VTI1A: variants seen among roughly 807,000 people sequenced by gnomAD.
VTI1A encodes the protein vesicle transport through interaction with t-SNAREs 1A.
VTI1A carries 22 observed loss-of-function variants against 34.9 expected under a neutral mutation model. The observed-to-expected ratio is 0.63, with a 90% confidence interval of 0.45 to 0.90. The LOEUF (loss-of-function observed/expected upper bound fraction) is 0.90, where lower values mean the gene tolerates loss of function less well. Among genes scored for constraint, VTI1A ranks in the 40% least tolerant of loss-of-function variants. The pLI, the probability that VTI1A is intolerant of heterozygous loss-of-function variation, is 0.00. For missense variants in VTI1A, 268 were observed against 275.6 expected (o/e 0.97, Z 0.20); for synonymous variants, 87 against 97.3 (o/e 0.89, Z 0.62).
intron 7 of VTI1A, among the ~76,000 whole-genome samples, chr10:112,742,471 G>C (rs758747161): frequency 2.0e-4 from 30 of 152,138 alleles, no homozygotes; most frequent in Admixed American, 1.3e-4. Context: ...TGTATCCCTA[G>C]GGCATAAGAA....
chr10:112,521,691 A>G (rs1317792125), intron 3 of VTI1A, among the ~76,000 whole-genome samples: 2 of 152,042 alleles, frequency 1.3e-5, no homozygotes, highest in East Asian at 1.9e-4. Context: ...CATCCTAACA[A>G]TGTTCCAGGG....
At chr10:112,545,474 A>G (rs1397455686) in intron 5 of VTI1A, among the ~76,000 whole-genome samples, 3 of 152,268 alleles carry the variant, frequency 2.0e-5, no homozygotes, top group Non-Finnish European at 4.4e-5. Flanking sequence ...ATTATCTCAC[A>G]AAACTATGGT....
intron 7 of VTI1A, among the ~76,000 whole-genome samples, chr10:112,725,947 A>G (rs565927654): frequency 2.6e-5 from 4 of 152,212 alleles, no homozygotes; most frequent in Non-Finnish European, 5.9e-5. Context: ...ATAAGATGCC[A>G]TAGGCTCCTG....
rs145068676 is a variant in VTI1A, at chr10:112,682,215, G to C, written c.560+13217G>C. On this transcript the variant is annotated intron_variant, in intron 7 of 7. Transcript: ENST00000393077. The stretch of plus-strand genomic sequence containing the variant: ...GCTCATGGATCTGGAAGAGATAAAA[G>C]GTCTCTTATTTTATAGGGCTTTATG... Among the ~76,000 whole-genome samples, 1,161 of 152,162 alleles carry C rather than the reference G, an allele frequency of 7.6e-3. 16 individuals carry two copies. Among genetic ancestry groups the C allele is most frequent in the African/African-American group, 0.027 (1,115 of 41,526 alleles).
chr10:112,492,509 G>T (rs1310782962), intron 3 of VTI1A, among the ~76,000 whole-genome samples: 1 of 152,040 alleles, frequency 6.6e-6, no homozygotes, highest in Non-Finnish European at 1.5e-5. Context: ...AAACAAATTG[G>T]CCAGGCACAG....
chr10:112,724,925 C>T (rs1052111536), intron 7 of VTI1A, among the ~76,000 whole-genome samples: 3 of 143,618 alleles, frequency 2.1e-5, no homozygotes. Flanking sequence ...TTTTATCCTT[C>T]TCTCCTCTTT....
intron 5 of VTI1A, among the ~76,000 whole-genome samples, chr10:112,641,072 T>C (rs1387405370): frequency 1.3e-5 from 2 of 151,384 alleles, no homozygotes; most frequent in African/African-American, 2.4e-5. Flanking sequence ...CAAAAGTTTT[T>C]TTTTTCTTTC....
chr10:112,836,525 G>T, the VTI1A span, among the ~76,000 whole-genome samples: 1 of 152,066 alleles, frequency 6.6e-6, no homozygotes, highest in Non-Finnish European at 1.5e-5. Flanking sequence ...CTTTCCCTCC[G>T]CTACCTCATA....
rs575201380 is a variant in VTI1A at position 112,545,819 on chromosome 10, G to A, written c.427+7489G>A. Among the ~76,000 whole-genome samples the A allele has an allele frequency of 1.0e-3, 158 of 152,036 alleles. 1 individual carries two copies. The highest frequency in any genetic ancestry group is 3.4e-3 in the African/African-American group (142 of 41,494). On this transcript the variant is annotated intron_variant, in intron 5 of 7. Transcript: ENST00000393077. ...GATAAATGTCATTTCATTGAATCTC[G>A]TGTGTGTGTGCGCACGCGTGCGCGT...
At chr10:112,546,496 G>A (rs946669600) in intron 5 of VTI1A, among the ~76,000 whole-genome samples, 2 of 152,060 alleles carry the variant, frequency 1.3e-5, no homozygotes, top group Non-Finnish European at 2.9e-5. Flanking sequence ...GTGGCACTGG[G>A]ATGGTCTTTT....
At chr10:112,830,563 A>G in the VTI1A span, among the ~76,000 whole-genome samples, 1 of 150,720 alleles carries the variant, frequency 6.6e-6, no homozygotes, top group African/African-American at 2.4e-5. Context: ...TACATACTCA[A>G]GTATTTATTC....
chr10:112,669,442 G>C (rs540075484), intron 7 of VTI1A, among the ~76,000 whole-genome samples: 1 of 152,140 alleles, frequency 6.6e-6, no homozygotes, highest in South Asian at 2.1e-4. Context: ...AAACATTTCC[G>C]TTTTATGTAT....
intron 7 of VTI1A, among the ~76,000 whole-genome samples, chr10:112,722,374 G>A (rs531521592): frequency 6.6e-6 from 1 of 152,184 alleles, no homozygotes; most frequent in African/African-American, 2.4e-5. Flanking sequence ...GTGGGGGGAT[G>A]GGGGAGGGAT....
intron 4 of VTI1A, among the ~76,000 whole-genome samples, chr10:112,530,165 A>G (rs1335780917): frequency 1.3e-5 from 2 of 152,130 alleles, no homozygotes; most frequent in Admixed American, 6.5e-5. Flanking sequence ...ATTTCATTCA[A>G]TCAAATATAG....
chr10:112,592,654 G>C (rs538637433), intron 5 of VTI1A, among the ~76,000 whole-genome samples: 1 of 152,262 alleles, frequency 6.6e-6, no homozygotes, highest in African/African-American at 2.4e-5. Context: ...GCACACAGTA[G>C]GTGCCCAATT....
intron 5 of VTI1A, among the ~76,000 whole-genome samples, chr10:112,661,254 A>G (rs1405888663): frequency 3.3e-5 from 5 of 152,206 alleles, no homozygotes; most frequent in Non-Finnish European, 5.9e-5. Flanking sequence ...AAGTGCTGAG[A>G]TTATAGGCAC....
rs139806034 is a variant in VTI1A at position 112,715,848 on chromosome 10, G to T, written c.560+46850G>T. On this transcript the variant is annotated intron_variant, in intron 7 of 7. Transcript: ENST00000393077. ...GATATCACCTGTTGAACATATCTAA[G>T]ACTGGTGTATTCGCAGACTTGTTGT... Among the ~76,000 whole-genome samples, 16 of 152,340 alleles carry T rather than the reference G, an allele frequency of 1.1e-4. 1 individual carries two copies. The East Asian group carries it at 2.5e-3, about 24-fold the overall frequency.
chr10:112,450,410 A>G (rs541905943), intron 1 of VTI1A: 2 of 152,238 alleles, frequency 1.3e-5, no homozygotes, highest in Non-Finnish European at 2.9e-5. Context: ...CTCTCTGGCC[A>G]TCATTGGCGA....
intron 3 of VTI1A, among the ~76,000 whole-genome samples, chr10:112,519,019 G>A (rs2134201895): frequency 6.6e-6 from 1 of 151,812 alleles, no homozygotes; most frequent in South Asian, 2.1e-4. Flanking sequence ...TAGTTTTATT[G>A]GCTATATCCA....
Sources: allele counts gnomAD v4.1 joint callset (sites outside exome capture counted in the v4.1 genomes callset), GRCh38; gene constraint gnomAD v4.1.1; transcripts MANE v1.5; gene names NCBI Gene and HGNC (gene_info 2026-07-23, HGNC 2026-07-21).